Variants in COL2A1 observed in about 807,000 individuals in gnomAD.
COL2A1 encodes collagen alpha-1(II) chain.
COL2A1 carries 28 observed loss-of-function variants against 204.5 expected under a neutral mutation model. The observed-to-expected ratio is 0.14, with a 90% CI of 0.10 to 0.19. The LOEUF is 0.19. COL2A1 is among the 10% of genes least tolerant of loss of function. The probability of loss-of-function intolerance (pLI) is 1.00; values close to 1 mark genes in which losing one functional copy is unlikely to be tolerated. For missense variants in COL2A1, 1,388 were observed against 2,027.5 expected, an observed-to-expected ratio of 0.68 and a Z score of 6.06; for synonymous variants, 708 against 718.7, an observed-to-expected ratio of 0.99 and a Z score of 0.24.
In COL2A1 at chr12:47,980,594, GC is replaced by G. The variant is rs1278047924; in HGVS notation, c.2584del (p.Ala862ProfsTer19). On this transcript the variant is annotated frameshift_variant, in exon 39 of 54. Coordinates refer to ENST00000380518, the MANE Select transcript of COL2A1 (RefSeq NM_001844.5). LOFTEE classifies it high-confidence loss of function. This position sits in a 1 kb window ranked among gnomAD's most constrained non-coding sequence, Gnocchi z 4.5. ...TCCAGAGGGGCCCTGAGGACCAGGG[GC>G]ACCAGCATCGCCTTTCTGGCCGGCC... ...GEAGQKGDAG[A>X]PGPQGPSGAP... The G allele has an allele frequency of 6.2e-7, 1 of 1,612,550 alleles. No individual in the cohort carries two copies. Among genetic ancestry groups the G allele is most frequent in the Non-Finnish European group, 8.5e-7 (1 of 1,179,618 alleles).
Position 47,995,245 on chromosome 12 carries a change from G to A in COL2A1, c.762+10C>T. 1.2e-6 allele frequency: 2 copies of A among 1,611,618 alleles called. No homozygotes were observed. The highest frequency in any genetic ancestry group is 1.7e-6 in the Non-Finnish European group (2 of 1,177,662). ...GGCAGCTCCTCATTTGTCTACTCGT[G>A]TATACTCACATCATCACCAGGCTTT... On this transcript the variant is annotated intron_variant, in intron 11 of 53. Transcript: ENST00000380518.
Position 47,974,216 on chromosome 12 carries a change from A to G in COL2A1, c.4190T>C (p.Ile1397Thr). The change falls in exon 53 of 54, where the codon ATT (isoleucine) becomes ACT (threonine). Residue 1397 changes from isoleucine (I) to threonine (T), a missense_variant. This residue lies in a region of COL2A1 where 303 missense variants were observed against 369.2 expected (regional missense o/e 0.82). Transcript: ENST00000380518. Reference sequence around the variant, plus strand: ...GCCAGCTGCTTCGTCCAGATAGGCAATGCTGTTCTTGCAGTGGTAGGTGAT... The same window carrying G: ...GCCAGCTGCTTCGTCCAGATAGGCAGTGCTGTTCTTGCAGTGGTAGGTGAT... ...QNITYHCKNS[I>T]AYLDEAAGNL... 1.2e-6 allele frequency: 2 copies of G among 1,614,250 alleles called. No homozygotes were observed. Among genetic ancestry groups the G allele is most frequent in the South Asian group, 1.1e-5 (1 of 91,090 alleles).
Position 47,993,519 on chromosome 12 carries a change from C to A in COL2A1, c.925-17G>T. On this transcript the variant is annotated splice_polypyrimidine_tract_variant and intron_variant, in intron 14 of 53. Transcript: ENST00000380518. ...ACTCTCACCCTGGAAAAATGATGCA[C>A]AAGGTCAGTGTCTGGGACCCCATTC... 1.2e-6 allele frequency: 2 copies of A among 1,612,576 alleles called. No individual in the cohort carries two copies. Among genetic ancestry groups the A allele is most frequent in the Non-Finnish European group, 1.7e-6 (2 of 1,178,598 alleles).
intron 23 of COL2A1, 25 bp from the exon 24 acceptor site, chr12:47,985,990 CAGTG>C (rs1470191416): frequency 1.3e-6 from 2 of 1,551,128 alleles, no homozygotes; most frequent in Admixed American, 3.9e-5. Flanking sequence ...GGAGGAGAGG[CAGTG>C]AGTGAGAACA....
chr12:47,986,256 C>T (rs1204085605), intron 23 of COL2A1, 80 bp downstream of exon 23: 11 of 992,994 alleles, frequency 1.1e-5, no homozygotes, highest in Non-Finnish European at 1.7e-5. Context: ...CGAGACTTGA[C>T]CAGAACACGG....
At chr12:47,995,074 C>T (rs1479874735) in intron 11 of COL2A1, among the ~76,000 whole-genome samples, 181 bp downstream of exon 11, 1 of 152,162 alleles carries the variant, frequency 6.6e-6, no homozygotes, top group Non-Finnish European at 1.5e-5. Context: ...CCCCAGGGAA[C>T]TTGCCAGCAC....
rs765152148 is a variant in COL2A1, at chr12:47,998,409, C to T, written c.309+6G>A. The T allele has an allele frequency of 6.2e-7, 1 of 1,604,980 alleles. No homozygotes were observed. ...TATGAAAAAAGAAAAAGAAGAAAGC[C>T]CTTACCTTTGGTCCTGGTTGCCCTG... On this transcript the variant is annotated splice_donor_region_variant and intron_variant, in intron 3 of 53. Coordinates refer to ENST00000380518, the MANE Select transcript of COL2A1 (RefSeq NM_001844.5).
At chr12:47,994,379 G>A (rs372176414) in intron 12 of COL2A1, 45 bp downstream of exon 12, 1 of 1,609,250 alleles carries the variant, frequency 6.2e-7, no homozygotes, top group Non-Finnish European at 8.5e-7. Context: ...CACAGGGAGG[G>A]AGACGCTAGG....
At position 47,998,199 on chromosome 12, in the gene COL2A1, T is replaced by C. The variant is rs139205058; in HGVS notation, c.312A>G (p.Gly104=). The part of the protein sequence containing the change: ...ATASGQPGPK[G]QKGEPGDIKD... ...TGATGTCTCCAGGTTCTCCTTTCTG[T>C]CCCTGAAACATGAAACATTCACAGG... Residue 104 remains glycine (G), a splice_region_variant and synonymous_variant, in exon 4 of 54, where the codon GGA becomes GGG. Coordinates refer to ENST00000380518, the MANE Select transcript of COL2A1 (RefSeq NM_001844.5). The C allele has an allele frequency of 5.5e-5, 89 of 1,614,094 alleles. No homozygotes were observed. The East Asian group carries it at 2.0e-3, about 36-fold the overall frequency.
rs1459096744 is a variant in COL2A1, at chr12:47,978,999, C to G, written c.2734-241G>C. ...AGCTCCTGCTTGCTTTGCTTTCTCCCATCTACCTGGAATCTCTCCTCCCTC... is the reference window on the plus strand; with the variant it reads ...AGCTCCTGCTTGCTTTGCTTTCTCCGATCTACCTGGAATCTCTCCTCCCTC... On this transcript the variant is annotated intron_variant, in intron 41 of 53. Coordinates refer to ENST00000380518, the MANE Select transcript of COL2A1 (RefSeq NM_001844.5). The surrounding 1 kb of genome is among the most constrained non-coding windows in gnomAD (Gnocchi z 5.5). Among the ~76,000 whole-genome samples, 1 of 151,910 alleles carries G rather than the reference C, an allele frequency of 6.6e-6. No homozygotes were observed. The highest frequency in any genetic ancestry group is 1.5e-5 in the Non-Finnish European group (1 of 67,982).
At position 47,975,457 on chromosome 12, in the gene COL2A1, C is replaced by T; in HGVS notation, c.3746G>A (p.Arg1249Lys). Residue 1249 changes from arginine (R) to lysine (K), a missense_variant, in exon 51 of 54, where the codon AGA becomes AAA. Arg to Lys is a conservative substitution (Grantham distance 26). Coordinates refer to ENST00000380518, the MANE Select transcript of COL2A1 (RefSeq NM_001844.5). ...MRADQAAGGL[R>K]QHDAEVDATL... ...GGCATCCACCTCGGCGTCATGCTGT[C>T]TCAGGCCACCGGCTGCCTGGTCGGC... is the stretch of plus-strand genomic sequence containing the variant. 6.2e-7 allele frequency: 1 copy of T among 1,614,134 alleles called. No homozygotes were observed. The highest frequency in any genetic ancestry group is 8.5e-7 in the Non-Finnish European group (1 of 1,180,040).
chr12:47,984,028 C>A (rs1489664043), intron 29 of COL2A1, 59 bp downstream of exon 29: 4 of 1,464,504 alleles, frequency 2.7e-6, no homozygotes, highest in Non-Finnish European at 3.8e-6. Context: ...GCTCTCCCAC[C>A]CCCACCCCTC....
chr12:48,002,472 C>T (rs1377178829), intron 1 of COL2A1: 2 of 152,152 alleles, frequency 1.3e-5, no homozygotes, highest in Non-Finnish European at 2.9e-5. Context: ...GCAAAATCAG[C>T]CTCTCGGATG....
chr12:47,987,579 A>C lies in COL2A1; in HGVS notation c.1221+32T>G, dbSNP rs748336792. 3 of 1,568,012 alleles carry C rather than the reference A, an allele frequency of 1.9e-6. No individual in the cohort carries two copies. In the Middle Eastern group the frequency reaches 5.1e-4, roughly 266 times the overall value. The stretch of plus-strand genomic sequence containing the variant: ...AGAGTTCCAAAGCCACAGACCCCAG[A>C]CCCCCCCAGGCCAAAGAGAAGCTGC... On this transcript the variant is annotated intron_variant, in intron 19 of 53. Coordinates refer to ENST00000380518, the MANE Select transcript of COL2A1 (RefSeq NM_001844.5). This position sits in a 1 kb window ranked among gnomAD's most constrained non-coding sequence, Gnocchi z 4.1.
chr12:48,003,944 G>C (rs1940350859), intron 1 of COL2A1, among the ~76,000 whole-genome samples: 1 of 152,228 alleles, frequency 6.6e-6, no homozygotes, highest in South Asian at 2.1e-4. Flanking sequence ...ATTTATATCT[G>C]TGCGCAAACT....
chr12:47,995,186 C>G, intron 11 of COL2A1, 69 bp downstream of exon 11: 2 of 1,436,900 alleles, frequency 1.4e-6, no homozygotes, highest in Non-Finnish European at 2.0e-6. Context: ...TGTCACTCCC[C>G]AAGCACACAC....
At chr12:47,981,226 G>A in intron 37 of COL2A1, 117 bp downstream of exon 37, 1 of 1,161,136 alleles carries the variant, frequency 8.6e-7, no homozygotes, top group Non-Finnish European at 1.3e-6. Context: ...TAGGGAGGGA[G>A]CCAGTGCCTG....
At position 47,992,919 on chromosome 12, in the gene COL2A1, G is replaced by A. The variant is rs750153229; in HGVS notation, c.982C>T (p.Leu328=). ...GSPGPMGPRG[L]PGERGRTGPA... ...CCAGTCCGTCCTCTTTCACCAGGCA[G>A]GCCACGAGGACCCTGGAACACACAC... The change falls in exon 16 of 54, where the codon CTG becomes TTG. Residue 328 remains leucine (L), a synonymous_variant. Coordinates refer to ENST00000380518, the MANE Select transcript of COL2A1 (RefSeq NM_001844.5). 22 of 1,614,096 alleles carry A rather than the reference G, an allele frequency of 1.4e-5. No individual in the cohort carries two copies. Among genetic ancestry groups the A allele is most frequent in the Non-Finnish European group, 1.9e-5 (22 of 1,180,046 alleles).
At position 47,995,926 on chromosome 12, in the gene COL2A1, C is replaced by T. The variant is rs7967258; in HGVS notation, c.610-7G>A. On this transcript the variant is annotated splice_polypyrimidine_tract_variant and splice_region_variant and intron_variant, in intron 8 of 53. Transcript: ENST00000380518. ...CTCGAGGTCCCATGGGGCCCTGCAT[C>T]GGAACAGAAAATGAGGGGTTTACTA... 10,265 of 1,612,076 alleles carry T rather than the reference C, an allele frequency of 6.4e-3. 163 individuals are homozygous for T. The highest frequency in any genetic ancestry group is 0.053 in the African/African-American group (3,940 of 74,904).
Sources: gnomAD v4.1 joint callset for allele counts (sites outside exome capture counted in the v4.1 genomes callset) on GRCh38, gnomAD v4.1.1 for gene constraint, gnomAD v4.1.1 regional missense constraint, Gnocchi (gnomAD v3.1) non-coding constraint, MANE v1.5 for transcripts, NCBI Gene and HGNC (gene_info 2026-07-23, HGNC 2026-07-21) for gene names.